MARF1: variants seen among roughly 807,000 people sequenced by gnomAD.
MARF1 encodes the protein limkain-b1.
MARF1 carries 24 observed loss-of-function variants against 168.2 expected under a neutral mutation model. The observed-to-expected ratio is 0.14, with a 90% CI of 0.10 to 0.20. MARF1 has a LOEUF of 0.20. Ranked by LOEUF, MARF1 falls within the 10% of genes least tolerant of loss-of-function variation. The probability of loss-of-function intolerance (pLI) is 1.00; values close to 1 mark genes in which losing one functional copy is unlikely to be tolerated. For missense variants in MARF1, 1,744 were observed against 2,143.6 expected (o/e 0.81, Z 3.68); for synonymous variants, 868 against 822.4 (o/e 1.06, Z -0.95).
chr16:15,608,539 A>G, intron 20 of MARF1, 21 bp from the exon 21 acceptor site: 1 of 1,555,920 alleles, frequency 6.4e-7, no homozygotes. Context: ...ACACGGGGGG[A>G]GGAAAGGGAA....
intron 13 of MARF1, among the ~76,000 whole-genome samples, chr16:15,619,191 C>T (rs999416467): frequency 2.6e-5 from 4 of 152,212 alleles, no homozygotes; most frequent in African/African-American, 9.6e-5. Context: ...ATGGGAGGAT[C>T]ATCTGAGTCC....
intron 23 of MARF1, chr16:15,601,428 A>G (rs1159218971): frequency 8.1e-6 from 2 of 245,774 alleles, no homozygotes; most frequent in South Asian, 1.0e-4. Flanking sequence ...CCTGGGCTCC[A>G]GCTCTCTCCA....
intron 25 of MARF1, among the ~76,000 whole-genome samples, chr16:15,599,399 G>C (rs554040956): frequency 1.3e-5 from 2 of 152,132 alleles, no homozygotes; most frequent in Admixed American, 6.5e-5. Context: ...GCCTGGTTCC[G>C]TGGCTTCCTA....
chr16:15,612,546 A>T lies in MARF1; in HGVS notation c.3474+11T>A, dbSNP rs2033662320. ...CTGCCTGTAAACAAGTAATCCCGTG[A>T]CACGCCTTACCTGCAATACATGAGG... On this transcript the variant is annotated intron_variant, in intron 17 of 26. Coordinates refer to ENST00000396368, the MANE Select transcript of MARF1 (RefSeq NM_014647.4). 2 of 1,607,788 alleles carry T rather than the reference A, an allele frequency of 1.2e-6. No individual in the cohort carries two copies. The highest frequency in any genetic ancestry group is 1.7e-6 in the Non-Finnish European group (2 of 1,174,322).
intron 16 of MARF1, among the ~76,000 whole-genome samples, chr16:15,613,419 G>A (rs1045978602): frequency 1.3e-5 from 2 of 152,054 alleles, no homozygotes; most frequent in African/African-American, 2.4e-5. Flanking sequence ...GGAGGCTGAG[G>A]CGGGCGGATC....
Position 15,635,833 on chromosome 16 carries a change from G to A in MARF1, c.654C>T (p.Cys218=). 1 of 1,614,208 alleles carries A rather than the reference G, an allele frequency of 6.2e-7. No homozygotes were observed. Among genetic ancestry groups the A allele is most frequent in the Non-Finnish European group, 8.5e-7 (1 of 1,180,044 alleles). ...AACAGGGGAAATAGCCAGCGGAGGT[G>A]CAGCCCTGCAGACTCGGAAACTGAT... ...KLHQFPSLQG[C]TSAGYFPCSD... Residue 218 remains cysteine, a synonymous_variant, in exon 3 of 27, where the codon TGC becomes TGT. Coordinates refer to ENST00000396368, the MANE Select transcript of MARF1 (RefSeq NM_014647.4).
chr16:15,621,769 G>C lies in MARF1; in HGVS notation c.2603C>G (p.Ala868Gly). 1.2e-6 allele frequency: 2 copies of C among 1,614,158 alleles called. No individual in the cohort carries two copies. Among genetic ancestry groups the C allele is most frequent in the Middle Eastern group, 3.3e-4 (2 of 6,062 alleles). Residue 868 changes from alanine (A) to glycine (G), a missense_variant, in exon 12 of 27, where the codon GCC (alanine) becomes GGC (glycine). Around this residue, in one of 7 missense-constraint regions of MARF1, gnomAD observed 543 missense variants for 742.1 expected, o/e 0.73. Coordinates refer to ENST00000396368, the MANE Select transcript of MARF1 (RefSeq NM_014647.4). ...IGSKKILVSL[A>G]TGAASKSLSL... ...GAGTGATTTGCTGGCAGCCCCGGTG[G>C]CAAGTGAGACCAGGATCTTTTTGCT... is the stretch of plus-strand genomic sequence containing the variant.
intron 15 of MARF1, among the ~76,000 whole-genome samples, chr16:15,616,558 A>G (rs983289930): frequency 4.6e-5 from 7 of 152,164 alleles, no homozygotes; most frequent in Admixed American, 2.6e-4. Flanking sequence ...TGAAGTACTG[A>G]GTGAATGGAT....
chr16:15,611,173 T>C (rs1018054000), intron 18 of MARF1, 65 bp from the exon 19 acceptor site: 2 of 1,540,974 alleles, frequency 1.3e-6, no homozygotes, highest in African/African-American at 2.7e-5. Flanking sequence ...ACTACAAGTT[T>C]TCCGGCCGGG....
rs1035599561 is a variant in MARF1, at chr16:15,621,747, T to A, written c.2625A>T (p.Ser875=). The part of the protein sequence containing the change: ...VSLATGAASK[S]LSLLSAETMS... ...TTGTTTCTTACCTCAGTAAAGAGAGTGATTTGCTGGCAGCCCCGGTGGCAA... is the reference window on the plus strand; with the variant it reads ...TTGTTTCTTACCTCAGTAAAGAGAGAGATTTGCTGGCAGCCCCGGTGGCAA... Residue 875 remains serine (S), a synonymous_variant, in exon 12 of 27, where the codon TCA becomes TCT. Coordinates refer to ENST00000396368, the MANE Select transcript of MARF1 (RefSeq NM_014647.4). The A allele has an allele frequency of 6.2e-7, 1 of 1,613,828 alleles. No individual in the cohort carries two copies. Among genetic ancestry groups the A allele is most frequent in the Non-Finnish European group, 8.5e-7 (1 of 1,179,890 alleles).
intron 2 of MARF1, among the ~76,000 whole-genome samples, chr16:15,636,611 C>T (rs2035615719): frequency 6.6e-6 from 1 of 152,194 alleles, no homozygotes; most frequent in Non-Finnish European, 1.5e-5. Flanking sequence ...CTGTTTACAT[C>T]TTTAGCAGCC....
intron 7 of MARF1, among the ~76,000 whole-genome samples, chr16:15,626,665 A>G (rs548901953): frequency 6.6e-6 from 1 of 152,338 alleles, no homozygotes; most frequent in East Asian, 1.9e-4. Flanking sequence ...TTATGTATTA[A>G]GAAGTAGAAC....
At chr16:15,620,352 C>T in intron 13 of MARF1, 99 bp downstream of exon 13, 1 of 612,190 alleles carries the variant, frequency 1.6e-6, no homozygotes, top group South Asian at 2.5e-5. Flanking sequence ...CTCCTCTCCT[C>T]TACCAGGCTG....
In MARF1 at chr16:15,617,546, GA is replaced by G; in HGVS notation, c.2721-12del. 1 of 1,569,358 alleles carries G rather than the reference GA, an allele frequency of 6.4e-7. No homozygotes were observed. The highest frequency in any genetic ancestry group is 2.3e-5 in the East Asian group (1 of 44,444). On this transcript the variant is annotated splice_polypyrimidine_tract_variant and intron_variant, in intron 13 of 26. Coordinates refer to ENST00000396368, the MANE Select transcript of MARF1 (RefSeq NM_014647.4). Reference sequence around the variant, plus strand: ...AACTTGTGTCCAAACCTAAAAGCAAGAGAAGAGAGACGCTGACTTAGAAGGT... The same window carrying G: ...AACTTGTGTCCAAACCTAAAAGCAAGGAAGAGAGACGCTGACTTAGAAGGT...
In MARF1 at chr16:15,625,558, G is replaced by C; in HGVS notation, c.1767C>G (p.Leu589=). The change falls in exon 8 of 27, where the codon CTC becomes CTG. Residue 589 remains leucine (L), a synonymous_variant. Transcript: ENST00000396368. ...IVSFTPKNRE[L]CETKSSNAIA... ...TTGCATTTGAACTCTTTGTTTCACA[G>C]AGTTCTCTATTTTTTGGAGTAAATG... The C allele has an allele frequency of 6.2e-7, 1 of 1,614,192 alleles. No individual in the cohort carries two copies. The highest frequency in any genetic ancestry group is 2.2e-5 in the East Asian group (1 of 44,882).
chr16:15,642,137 C>T (rs190801886), intron 1 of MARF1, among the ~76,000 whole-genome samples: 1 of 152,138 alleles, frequency 6.6e-6, no homozygotes, highest in Non-Finnish European at 1.5e-5. Context: ...AGGTAATCCA[C>T]GGGGAACATT....
chr16:15,621,420 G>T, intron 12 of MARF1: 2 of 329,766 alleles, frequency 6.1e-6, no homozygotes, highest in Non-Finnish European at 1.1e-5. Flanking sequence ...AGATCTCAAG[G>T]TAATATTTTA....
chr16:15,607,493 G>A (rs987236453), intron 21 of MARF1, among the ~76,000 whole-genome samples: 5 of 152,174 alleles, frequency 3.3e-5, no homozygotes, highest in African/African-American at 1.2e-4. Flanking sequence ...AGGTTGCAGT[G>A]AGCCAAGATC....
At chr16:15,621,995 A>C in intron 11 of MARF1, 84 bp from the exon 12 acceptor site, 1 of 1,244,716 alleles carries the variant, frequency 8.0e-7, no homozygotes, top group Non-Finnish European at 1.1e-6. Flanking sequence ...ATGAAGGAAC[A>C]CATTTGTCGA....
Sources: gnomAD v4.1 joint callset for allele counts (sites outside exome capture counted in the v4.1 genomes callset) on GRCh38, gnomAD v4.1.1 for gene constraint, gnomAD v4.1.1 regional missense constraint, MANE v1.5 for transcripts, NCBI Gene and HGNC (gene_info 2026-07-23, HGNC 2026-07-21) for gene names.